Variants in FABP7 observed in about 807,000 individuals in gnomAD.
The protein encoded by FABP7 is fatty acid-binding protein, brain.
A neutral mutation model predicts 14.2 loss-of-function variants in FABP7; 13 were observed. The observed-to-expected ratio is 0.91, with a 90% CI of 0.59 to 1.45. FABP7 has a LOEUF of 1.45. Ranked by LOEUF, FABP7 falls within the 40% of genes most tolerant of loss-of-function variation. FABP7 has a pLI of 0.00. For synonymous variants in FABP7, 49 were observed against 51.4 expected (o/e 0.95, Z 0.20); for missense variants, 149 against 157.6 (o/e 0.95, Z 0.29).
At chr6:122,781,406 G>T (rs1029868025) in intron 3 of FABP7, 33 of 1,411,974 alleles carry the variant, frequency 2.3e-5, no homozygotes, top group Non-Finnish European at 3.1e-5. Context: ...TTCTTTGATT[G>T]TAGAAAAAGA....
At chr6:122,765,064 A>G in the FABP7 span, among the ~76,000 whole-genome samples, 1 of 152,196 alleles carries the variant, frequency 6.6e-6, no homozygotes, top group African/African-American at 2.4e-5. Flanking sequence ...AAAGAGAAAA[A>G]TCTTCTTTTA....
chr6:122,753,959 A>G, the FABP7 span, among the ~76,000 whole-genome samples: 1 of 152,112 alleles, frequency 6.6e-6, no homozygotes, highest in Non-Finnish European at 1.5e-5. Context: ...ATTTGTTGCC[A>G]GTCTTCCATC....
the FABP7 span, among the ~76,000 whole-genome samples, chr6:122,754,031 G>A: frequency 6.6e-6 from 1 of 152,128 alleles, no homozygotes; most frequent in African/African-American, 2.4e-5. Flanking sequence ...GGCATGGAAA[G>A]TTAGGGTTTT....
chr6:122,770,151 C>A, the FABP7 span, among the ~76,000 whole-genome samples: 1 of 151,854 alleles, frequency 6.6e-6, no homozygotes, highest in Non-Finnish European at 1.5e-5. Flanking sequence ...CATCTGGAGG[C>A]CCAAATGAAC....
At chr6:122,750,428 T>C in the FABP7 span, among the ~76,000 whole-genome samples, 2 of 152,158 alleles carry the variant, frequency 1.3e-5, no homozygotes, top group Non-Finnish European at 2.9e-5. Context: ...AAATAATAGA[T>C]CAAAAATTAA....
At chr6:122,759,843 C>A in the FABP7 span, among the ~76,000 whole-genome samples, 1 of 151,924 alleles carries the variant, frequency 6.6e-6, no homozygotes, top group Non-Finnish European at 1.5e-5. Context: ...ATTTACAGGC[C>A]GGGCACAGTG....
At chr6:122,764,283 C>T in the FABP7 span, among the ~76,000 whole-genome samples, 35 of 151,858 alleles carry the variant, frequency 2.3e-4, no homozygotes, top group African/African-American at 7.3e-4. Flanking sequence ...CAAATTATTG[C>T]AAGGACAGAA....
the FABP7 span, among the ~76,000 whole-genome samples, chr6:122,773,683 C>G: frequency 5.3e-5 from 8 of 152,118 alleles, no homozygotes; most frequent in Non-Finnish European, 1.2e-4. Context: ...GCTGCATAAC[C>G]TTGGATATCT....
upstream of FABP7, among the ~76,000 whole-genome samples, chr6:122,776,430 T>C (rs545817438): frequency 7.2e-5 from 11 of 152,078 alleles, no homozygotes; most frequent in East Asian, 1.9e-3. Flanking sequence ...GAAAGAGAAA[T>C]ATCACTTTTT....
intron 1 of FABP7, among the ~76,000 whole-genome samples, 166 bp from the exon 2 acceptor site, chr6:122,780,125 G>T (rs1362005306): frequency 6.6e-6 from 1 of 152,144 alleles, no homozygotes. Context: ...GTTTTCTTCT[G>T]CATCCACTTA....
chr6:122,758,478 G>T, the FABP7 span, among the ~76,000 whole-genome samples: 3 of 152,208 alleles, frequency 2.0e-5, no homozygotes, highest in African/African-American at 7.2e-5. Context: ...AACAACAAAA[G>T]ATGAGTGCTG....
chr6:122,752,514 C>T, the FABP7 span, among the ~76,000 whole-genome samples: 1 of 152,196 alleles, frequency 6.6e-6, no homozygotes, highest in Non-Finnish European at 1.5e-5. Flanking sequence ...ATTCCCACCC[C>T]CAACCTTACC....
the FABP7 span, among the ~76,000 whole-genome samples, chr6:122,772,028 T>A: frequency 5.3e-5 from 8 of 152,216 alleles, no homozygotes; most frequent in Admixed American, 1.3e-4. Context: ...ACTAAATGAC[T>A]GATTACAAAA....
intron 3 of FABP7, 81 bp downstream of exon 3, chr6:122,781,275 C>G (rs1390126880): frequency 1.3e-6 from 2 of 1,567,770 alleles, no homozygotes; most frequent in Non-Finnish European, 1.7e-6. Context: ...CTTCTTCCCT[C>G]CTCCTTCCAT....
the FABP7 span, among the ~76,000 whole-genome samples, chr6:122,769,130 C>T: frequency 6.6e-6 from 1 of 152,096 alleles, no homozygotes; most frequent in African/African-American, 2.4e-5. Flanking sequence ...CATACCCTGA[C>T]ATTCTCCATT....
At chr6:122,783,415 A>T in intron 3 of FABP7, 3 of 985,086 alleles carry the variant, frequency 3.0e-6, no homozygotes, top group Non-Finnish European at 3.6e-6. Context: ...TGAGAAAACA[A>T]CGTAGACACT....
intron 2 of FABP7, 63 bp from the exon 3 acceptor site, chr6:122,781,030 C>A: frequency 6.5e-7 from 1 of 1,528,114 alleles, no homozygotes; most frequent in South Asian, 1.3e-5. Context: ...ATCACATCGT[C>A]TTCCGTATCA....
At chr6:122,782,264 C>T (rs1780808806) in intron 3 of FABP7, 4 of 877,844 alleles carry the variant, frequency 4.6e-6, no homozygotes, top group African/African-American at 1.8e-5. Flanking sequence ...TGGCTTAAAA[C>T]AACAGAAATG....
At chr6:122,781,350 CA>C (rs1780779523) in intron 3 of FABP7, 156 bp downstream of exon 3, 1 of 1,475,108 alleles carries the variant, frequency 6.8e-7, no homozygotes. Flanking sequence ...ATATGTAAAA[CA>C]GGGGAAACAA....
Sources: allele counts gnomAD v4.1 joint callset (sites outside exome capture counted in the v4.1 genomes callset), GRCh38; gene constraint gnomAD v4.1.1; transcripts MANE v1.5; gene names NCBI Gene and HGNC (gene_info 2026-07-23, HGNC 2026-07-21).